The following SEPTIN6 variants were observed in gnomAD, a reference collection of about 807,000 sequenced individuals.
The protein encoded by SEPTIN6 is septin 6, also known as septin-6.
Under a neutral mutation model 33.6 loss-of-function variants are expected in SEPTIN6, and 8 were observed. That is an observed-to-expected ratio of 0.24 (90% CI 0.14 to 0.43). The LOEUF (loss-of-function observed/expected upper bound fraction) is 0.43, where lower values mean the gene tolerates loss of function less well. Ranked by LOEUF, SEPTIN6 falls within the 20% of genes least tolerant of loss-of-function variation. The pLI, the probability that SEPTIN6 is intolerant of heterozygous loss-of-function variation, is 1.00. For synonymous variants in SEPTIN6, 131 were observed against 140.0 expected (o/e 0.94, Z 0.45); for missense variants, 250 against 340.8 (o/e 0.73, Z 2.10).
rs1273942163 is a variant in SEPTIN6, at chrX:119,619,824, G to A, written c.*269C>T. The A allele has an allele frequency of 5.7e-6, 6 of 1,047,471 alleles. No homozygotes were observed. In the Admixed American group the frequency reaches 2.2e-4, roughly 39 times the overall value. 86.3% of individuals were successfully genotyped at this position (1,047,471 alleles called of 1,213,427 possible). ...GACAGGGGGGATGGCTGGGGGTGCT[G>A]GGAGGGGGACTGGGATGCAGGATGC... On this transcript the variant is annotated 3_prime_UTR_variant, in exon 11 of 11. Coordinates refer to ENST00000394610, the MANE Select transcript of SEPTIN6 (RefSeq NM_145799.4).
chrX:119,625,701 C>A (rs1461910828), intron 9 of SEPTIN6, among the ~76,000 whole-genome samples: 1 of 110,470 alleles, frequency 9.1e-6, no homozygotes, highest in Non-Finnish European at 1.9e-5. Context: ...TGCCACCAGG[C>A]CCAGCTAATG....
At chrX:119,676,311 A>G (rs754062121) in intron 1 of SEPTIN6, among the ~76,000 whole-genome samples, 1 of 110,135 alleles carries the variant, frequency 9.1e-6, no homozygotes, top group South Asian at 3.9e-4. Context: ...AAAAAAAACA[A>G]AAATTAGCCA....
intron 2 of SEPTIN6, among the ~76,000 whole-genome samples, chrX:119,663,984 G>C (rs1258806224): frequency 1.8e-5 from 2 of 110,366 alleles, no homozygotes; most frequent in African/African-American, 6.6e-5. Flanking sequence ...GTTGTTGTTT[G>C]TTTGTTTGTT....
intron 3 of SEPTIN6, among the ~76,000 whole-genome samples, chrX:119,658,922 C>A (rs749937355): frequency 8.9e-6 from 1 of 112,111 alleles, no homozygotes; most frequent in Admixed American, 9.5e-5. Flanking sequence ...TTCTCCCCAT[C>A]TGTAGCTTGT....
chrX:119,621,445 T>TA (rs2053759201), intron 10 of SEPTIN6, among the ~76,000 whole-genome samples: 1 of 20,931 alleles, frequency 4.8e-5, no homozygotes, highest in African/African-American at 1.3e-4. Flanking sequence ...GGCCCAGAGC[T>TA]GGTGTGTGTG....
intron 7 of SEPTIN6, among the ~76,000 whole-genome samples, chrX:119,636,066 GAA>G (rs2054056448): frequency 9.0e-6 from 1 of 111,448 alleles, no homozygotes; most frequent in Admixed American, 9.5e-5. Context: ...GCTCCCACCA[GAA>G]AAAGACAAGC....
At chrX:119,640,400 G>A (rs2054138927) in intron 6 of SEPTIN6, among the ~76,000 whole-genome samples, 1 of 108,898 alleles carries the variant, frequency 9.2e-6, no homozygotes, top group South Asian at 3.9e-4. Flanking sequence ...CATTCTTCAG[G>A]TGCACTTGGG....
chrX:119,632,848 G>A (rs1051818115), intron 8 of SEPTIN6, among the ~76,000 whole-genome samples: 1 of 111,246 alleles, frequency 9.0e-6, no homozygotes, highest in Non-Finnish European at 1.9e-5. Context: ...GGCTGGTCTC[G>A]AACTCCTGAC....
At chrX:119,631,670 A>T (rs1358452308) in intron 8 of SEPTIN6, among the ~76,000 whole-genome samples, 1 of 108,003 alleles carries the variant, frequency 9.3e-6, no homozygotes, top group Non-Finnish European at 1.9e-5. Context: ...AGTGGCCTCG[A>T]TCTCTCGGCT....
At chrX:119,663,459 C>T (rs181745688) in intron 3 of SEPTIN6, 23 bp downstream of exon 3, 1 of 437,948 alleles carries the variant, frequency 2.3e-6, no homozygotes, top group East Asian at 6.1e-5. Context: ...CCCCACCCTA[C>T]CCCACCCCAC....
chrX:119,649,936 C>T lies in SEPTIN6; in HGVS notation c.690+1G>A, dbSNP rs2147530845. On this transcript the variant is annotated splice_donor_variant, in intron 5 of 10. Coordinates refer to ENST00000394610, the MANE Select transcript of SEPTIN6 (RefSeq NM_145799.4). LOFTEE classifies it high-confidence loss of function. ...ATGGTCAGGAAATTGCTCCCACTCA[C>T]GTTCATGGTTCCATTGATCTCTGCC... The T allele has an allele frequency of 1.7e-6, 2 of 1,207,296 alleles. No homozygotes were observed. The highest frequency in any genetic ancestry group is 1.1e-6 in the Non-Finnish European group (1 of 891,827).
intron 5 of SEPTIN6, among the ~76,000 whole-genome samples, chrX:119,644,442 G>A (rs1377404926): frequency 9.0e-6 from 1 of 111,608 alleles, no homozygotes; most frequent in Admixed American, 9.5e-5. Context: ...TAGTTCTGGA[G>A]GCTGGGAGGT....
At chrX:119,624,144 G>GTTTTTTTTTTTTTTTTTTTTTT in intron 10 of SEPTIN6, 1 of 211,646 alleles carries the variant, frequency 4.7e-6, no homozygotes. Context: ...TTTATTATGG[G>GTTTTTTTTTTTTTTTTTTTTTT]TTTTTTTTTT....
At chrX:119,667,313 G>A (rs979952356) in intron 2 of SEPTIN6, among the ~76,000 whole-genome samples, 26 of 109,370 alleles carry the variant, frequency 2.4e-4, no homozygotes, top group Admixed American at 2.0e-4. Context: ...GCACCGCAGC[G>A]TTGAGGGACC....
intron 1 of SEPTIN6, among the ~76,000 whole-genome samples, chrX:119,687,897 A>G (rs1347222288): frequency 2.7e-5 from 3 of 112,321 alleles, no homozygotes; most frequent in Admixed American, 9.5e-5. Context: ...TCACTCTGCT[A>G]TAATGTAGTT....
At position 119,663,470 on chromosome X, in the gene SEPTIN6, C is replaced by CGA; in HGVS notation, c.341+11_341+12insTC. ...ACCTCCCCACCCTACCCCACCCCAC[C>CGA]GCCTTCTTTACCTGTCCTCTTTGTT... On this transcript the variant is annotated intron_variant, in intron 3 of 10. Coordinates refer to ENST00000394610, the MANE Select transcript of SEPTIN6 (RefSeq NM_145799.4). 1 of 1,128,698 alleles carries CGA rather than the reference C, an allele frequency of 8.9e-7. No homozygotes were observed. The highest frequency in any genetic ancestry group is 1.2e-6 in the Non-Finnish European group (1 of 831,625). The allele number at this position is 1,128,698 out of a possible 1,213,427, so 93.0% of individuals were successfully genotyped here.
At chrX:119,624,185 GTTT>G (rs2053821989) in intron 10 of SEPTIN6, 2 of 191,311 alleles carry the variant, frequency 1.0e-5, no homozygotes, top group Admixed American at 5.7e-5. Flanking sequence ...TTGTTTGTTT[GTTT>G]TTTTGAGACG....
chrX:119,676,554 G>C (rs757371234), intron 1 of SEPTIN6, among the ~76,000 whole-genome samples: 4 of 111,743 alleles, frequency 3.6e-5, no homozygotes, highest in African/African-American at 1.3e-4. Flanking sequence ...TGGATCACTT[G>C]AGGCCAAGAG....
intron 3 of SEPTIN6, among the ~76,000 whole-genome samples, chrX:119,662,580 C>T (rs1341149640): frequency 8.9e-6 from 1 of 112,101 alleles, no homozygotes; most frequent in Non-Finnish European, 1.9e-5. Flanking sequence ...ATCATAAATC[C>T]TTCTGTGATC....
Sources: gnomAD v4.1 joint callset for allele counts (sites outside exome capture counted in the v4.1 genomes callset) on GRCh38, gnomAD v4.1.1 for gene constraint, MANE v1.5 for transcripts, NCBI Gene and HGNC (gene_info 2026-07-23, HGNC 2026-07-21) for gene names.